MECOM: variants seen among roughly 807,000 people sequenced by gnomAD.
The protein encoded by MECOM is MDS1 and EVI1 complex locus, also known as histone-lysine N-methyltransferase MECOM.
A neutral mutation model predicts 116.3 loss-of-function variants in MECOM; 13 were observed. The observed-to-expected ratio is 0.11, with a 90% confidence interval of 0.07 to 0.18. The LOEUF (loss-of-function observed/expected upper bound fraction) is 0.18, where lower values mean the gene tolerates loss of function less well. MECOM is among the 10% of genes least tolerant of loss of function. The pLI is 1.00. For synonymous variants in MECOM, 528 were observed against 535.2 expected (o/e 0.99, Z 0.19); for missense variants, 1,299 against 1,509.0 (o/e 0.86, Z 2.31).
At chr3:169,132,014 G>A (rs1264451560) in intron 3 of MECOM, 5 of 974,210 alleles carry the variant, frequency 5.1e-6, no homozygotes, top group African/African-American at 3.5e-5. Flanking sequence ...TAGGTTGAAA[G>A]GACATGACAT....
At chr3:169,629,258 C>G (rs562774655) in intron 1 of MECOM, among the ~76,000 whole-genome samples, 18 of 150,884 alleles carry the variant, frequency 1.2e-4, no homozygotes, top group Non-Finnish European at 2.5e-4. Context: ...TCTATAAATA[C>G]AAGATTTATA....
At chr3:169,096,011 T>C (rs1721329610) in intron 12 of MECOM, among the ~76,000 whole-genome samples, 1 of 151,750 alleles carries the variant, frequency 6.6e-6, no homozygotes, top group African/African-American at 2.4e-5. Flanking sequence ...TATTGGTTGG[T>C]TAGTTGTTTC....
intron 2 of MECOM, among the ~76,000 whole-genome samples, chr3:169,197,220 C>A (rs1230516379): frequency 6.6e-6 from 1 of 151,718 alleles, no homozygotes; most frequent in Non-Finnish European, 1.5e-5. Context: ...GTACTGTGCT[C>A]GTTACCTGGG....
chr3:169,304,946 T>C (rs1187595303), intron 2 of MECOM, among the ~76,000 whole-genome samples: 8 of 152,242 alleles, frequency 5.3e-5, no homozygotes, highest in African/African-American at 1.2e-4. Flanking sequence ...TCATAGCTGA[T>C]ACTCAAAAAA....
At position 169,564,588 on chromosome 3, in the gene MECOM, T is replaced by C. The variant is rs563230218; in HGVS notation, c.37+98748A>G. On this transcript the variant is annotated intron_variant, in intron 1 of 16. Coordinates refer to ENST00000651503, the MANE Select transcript of MECOM (RefSeq NM_004991.4). ...CAAATAGAGTTTACTATAATTCAAG[T>C]GCCCCCCCAAAAAATACTTTAGCAA... is the stretch of plus-strand genomic sequence containing the variant. Among the ~76,000 whole-genome samples, 73 of 152,208 alleles carry C rather than the reference T, an allele frequency of 4.8e-4. 1 individual carries two copies. The highest frequency in any genetic ancestry group is 2.2e-4 in the Non-Finnish European group (15 of 68,032).
Position 169,663,424 on chromosome 3 carries a change from G to C in MECOM, c.-52C>G. On this transcript the variant is annotated 5_prime_UTR_variant, in exon 1 of 17. Coordinates refer to ENST00000651503, the MANE Select transcript of MECOM (RefSeq NM_004991.4). Reference sequence around the variant, plus strand: ...TGTGTGGTTGGGGCTTTTTTTTCTTGGATCCTTTCCTTCTTTTGCTCTCCC... The same window carrying C: ...TGTGTGGTTGGGGCTTTTTTTTCTTCGATCCTTTCCTTCTTTTGCTCTCCC... The C allele has an allele frequency of 6.4e-7, 1 of 1,563,962 alleles. No individual in the cohort carries two copies. Among genetic ancestry groups the C allele is most frequent in the Non-Finnish European group, 8.7e-7 (1 of 1,153,496 alleles).
intron 2 of MECOM, chr3:169,146,516 G>T (rs1333657468): frequency 3.6e-5 from 49 of 1,379,084 alleles, no homozygotes; most frequent in Non-Finnish European, 4.5e-5. Flanking sequence ...TGTCCAGACC[G>T]CACCGTTTCG....
intron 1 of MECOM, among the ~76,000 whole-genome samples, chr3:169,659,088 A>AAG (rs1236800515): frequency 9.3e-5 from 14 of 151,038 alleles, no homozygotes; most frequent in African/African-American, 2.9e-4. Context: ...AAAAAAAAAA[A>AAG]AAAGAAAGAG....
At chr3:169,341,947 T>C (rs1171161410) in intron 2 of MECOM, among the ~76,000 whole-genome samples, 1 of 152,138 alleles carries the variant, frequency 6.6e-6, no homozygotes, top group Non-Finnish European at 1.5e-5. Flanking sequence ...AAACATCTCA[T>C]GTACCCCATA....
intron 2 of MECOM, among the ~76,000 whole-genome samples, chr3:169,219,000 G>T (rs1292776324): frequency 2.0e-5 from 3 of 152,058 alleles, no homozygotes; most frequent in Non-Finnish European, 4.4e-5. Context: ...TCATGATCTT[G>T]GATGTGTGTC....
At chr3:169,461,490 T>A (rs1045875392) in intron 1 of MECOM, among the ~76,000 whole-genome samples, 9 of 152,170 alleles carry the variant, frequency 5.9e-5, no homozygotes, top group African/African-American at 2.2e-4. Flanking sequence ...TTTTCAAATA[T>A]GAAAAATTTA....
At chr3:169,534,789 CA>C (rs1211458898) in intron 1 of MECOM, among the ~76,000 whole-genome samples, 3 of 152,104 alleles carry the variant, frequency 2.0e-5, no homozygotes, top group Non-Finnish European at 4.4e-5. Flanking sequence ...AACTGAGGAA[CA>C]AAAAGGCTAG....
intron 2 of MECOM, among the ~76,000 whole-genome samples, chr3:169,348,978 T>C (rs1397710212): frequency 2.0e-5 from 3 of 151,976 alleles, no homozygotes; most frequent in Non-Finnish European, 4.4e-5. Context: ...ACCACTTCTC[T>C]AAATACTTCA....
At chr3:169,157,242 C>G (rs879197359) in intron 2 of MECOM, among the ~76,000 whole-genome samples, 3 of 152,178 alleles carry the variant, frequency 2.0e-5, no homozygotes, top group Admixed American at 1.3e-4. Context: ...AATTGCCCCA[C>G]CCCAAATCTC....
chr3:169,363,191 G>C (rs1286907386), intron 2 of MECOM, among the ~76,000 whole-genome samples: 1 of 151,764 alleles, frequency 6.6e-6, no homozygotes, highest in Non-Finnish European at 1.5e-5. Context: ...GTTTAGCTTT[G>C]AAACCCTCTG....
chr3:169,191,142 A>G (rs1747476766), intron 2 of MECOM, among the ~76,000 whole-genome samples: 1 of 151,950 alleles, frequency 6.6e-6, no homozygotes, highest in Admixed American at 6.6e-5. Context: ...ATACTTTTCT[A>G]TTAGAAAACA....
At chr3:169,436,890 T>C (rs984137443) in intron 1 of MECOM, among the ~76,000 whole-genome samples, 1 of 152,170 alleles carries the variant, frequency 6.6e-6, no homozygotes, top group East Asian at 1.9e-4. Flanking sequence ...TGAAAATACT[T>C]GAGCTTGAAC....
At chr3:169,181,239 T>C (rs1340763210) in intron 2 of MECOM, among the ~76,000 whole-genome samples, 1 of 152,164 alleles carries the variant, frequency 6.6e-6, no homozygotes, top group Non-Finnish European at 1.5e-5. Context: ...TGTAGATCTA[T>C]CCAGACCTAT....
chr3:169,353,583 C>T (rs773747521), intron 2 of MECOM, among the ~76,000 whole-genome samples: 21 of 151,778 alleles, frequency 1.4e-4, no homozygotes, highest in Non-Finnish European at 2.1e-4. Context: ...AATTCAGAAT[C>T]TTTTCCAAAA....
Sources: allele counts gnomAD v4.1 joint callset (sites outside exome capture counted in the v4.1 genomes callset), GRCh38; gene constraint gnomAD v4.1.1; transcripts MANE v1.5; gene names NCBI Gene and HGNC (gene_info 2026-07-23, HGNC 2026-07-21).